The following CDC42BPB variants were observed in gnomAD, a reference collection of about 807,000 sequenced individuals.
The protein encoded by CDC42BPB is CDC42 binding protein kinase beta.
In CDC42BPB, 37 loss-of-function variants were observed where a neutral mutation model predicts 214.9. The observed-to-expected ratio is 0.17, with a 90% CI of 0.13 to 0.23. The LOEUF is 0.23. CDC42BPB is among the 10% of genes least tolerant of loss of function. The pLI is 1.00. For missense variants in CDC42BPB, 1,694 were observed against 2,227.0 expected, an observed-to-expected ratio of 0.76 and a Z score of 4.82; for synonymous variants, 931 against 884.0, an observed-to-expected ratio of 1.05 and a Z score of -0.94.
intron 16 of CDC42BPB, among the ~76,000 whole-genome samples, chr14:102,967,955 C>A (rs1318057555): frequency 6.6e-6 from 1 of 152,056 alleles, no homozygotes; most frequent in Non-Finnish European, 1.5e-5. Flanking sequence ...CTTAGCCAGG[C>A]GTGGTGGCAG....
At chr14:102,990,328 A>G (rs901883010) in intron 5 of CDC42BPB, among the ~76,000 whole-genome samples, 3 of 152,208 alleles carry the variant, frequency 2.0e-5, no homozygotes, top group Non-Finnish European at 2.9e-5. Flanking sequence ...TGCAGTCCCA[A>G]TGAGATGGGG....
intron 13 of CDC42BPB, among the ~76,000 whole-genome samples, chr14:102,971,395 T>C (rs1046246783): frequency 3.9e-5 from 6 of 152,102 alleles, no homozygotes; most frequent in Admixed American, 1.3e-4. Flanking sequence ...CTCTTTGGGG[T>C]TGTAATCATT....
In CDC42BPB at chr14:102,944,447, G is replaced by A. The variant is rs755901790; in HGVS notation, c.3852C>T (p.Ile1284=). 3 of 1,612,816 alleles carry A rather than the reference G, an allele frequency of 1.9e-6. No individual in the cohort carries two copies. Among genetic ancestry groups the A allele is most frequent in the Non-Finnish European group, 2.5e-6 (3 of 1,179,978 alleles). The part of the protein sequence containing the change: ...RAADCKKVHQ[I]ELAPREKIVI... ...CGATCTTCTCCCTGGGAGCAAGCTC[G>A]ATCTGGTGTACCTTCTTACAGTCAG... Residue 1284 remains isoleucine (I), a synonymous_variant, in exon 30 of 37, where the codon ATC becomes ATT. Coordinates refer to ENST00000361246, the MANE Select transcript of CDC42BPB (RefSeq NM_006035.4). The surrounding 1 kb of genome is among the most constrained non-coding windows in gnomAD (Gnocchi z 6.6).
intron 5 of CDC42BPB, among the ~76,000 whole-genome samples, chr14:102,990,274 A>C (rs766095176): frequency 1.7e-4 from 26 of 152,356 alleles, no homozygotes; most frequent in African/African-American, 5.8e-4. Flanking sequence ...AAACAAATCC[A>C]AGTGACTTAT....
chr14:102,964,402 A>G (rs985971941), intron 19 of CDC42BPB, 100 bp downstream of exon 19: 1 of 1,443,966 alleles, frequency 6.9e-7, no homozygotes, highest in Non-Finnish European at 9.4e-7. Flanking sequence ...CGTGGCCCCG[A>G]TTTTCCAGGC....
In CDC42BPB at chr14:102,996,965, C is replaced by G. The variant is rs555075665; in HGVS notation, c.596+2600G>C. 1.8e-3 allele frequency among the ~76,000 whole-genome samples: 277 copies of G among 152,310 alleles called. 2 individuals are homozygous for G. Among genetic ancestry groups the G allele is most frequent in the African/African-American group, 6.4e-3 (267 of 41,570 alleles). ...TTCTATCGGGACAGCTCCCTGTGTG[C>G]TGGGAGGTGCGAGCCATCAGCAATG... On this transcript the variant is annotated intron_variant, in intron 5 of 36. Coordinates refer to ENST00000361246, the MANE Select transcript of CDC42BPB (RefSeq NM_006035.4).
intron 2 of CDC42BPB, 40 bp downstream of exon 2, chr14:103,012,057 G>C (rs1886188596): frequency 7.5e-7 from 1 of 1,331,974 alleles, no homozygotes; most frequent in African/African-American, 1.4e-5. Context: ...CTGATGTTTT[G>C]GCAATTTAGG....
chr14:103,003,348 G>A (rs1037131722), intron 4 of CDC42BPB, among the ~76,000 whole-genome samples: 1 of 152,234 alleles, frequency 6.6e-6, no homozygotes, highest in African/African-American at 2.4e-5. Flanking sequence ...CTGCCTTAGA[G>A]TGCCGTGGAG....
At position 102,988,670 on chromosome 14, in the gene CDC42BPB, C is replaced by T. The variant is rs534083610; in HGVS notation, c.597-2090G>A. Among the ~76,000 whole-genome samples the T allele has an allele frequency of 2.6e-5, 4 of 152,046 alleles. No homozygotes were observed. In the East Asian group the frequency reaches 7.7e-4, roughly 29 times the overall value. ...AATCAAGTACAGGACAAAGATAATA[C>T]GAATCACTGGGGTAAAGATAGACTT... On this transcript the variant is annotated intron_variant, in intron 5 of 36. Coordinates refer to ENST00000361246, the MANE Select transcript of CDC42BPB (RefSeq NM_006035.4).
chr14:102,949,015 T>TG (rs1196110326), intron 26 of CDC42BPB, among the ~76,000 whole-genome samples: 3 of 152,064 alleles, frequency 2.0e-5, no homozygotes. Flanking sequence ...ATGCTACAGA[T>TG]GGAGTACCCA....
intron 21 of CDC42BPB, among the ~76,000 whole-genome samples, chr14:102,958,380 G>T (rs750885116): frequency 7.2e-5 from 11 of 152,162 alleles, no homozygotes; most frequent in Non-Finnish European, 1.2e-4. Flanking sequence ...CCCAGGTGAG[G>T]GACATGTACA....
rs1323587983 is a variant in CDC42BPB at position 102,980,982 on chromosome 14, C to T, written c.931G>A (p.Glu311Lys). The change falls in exon 8 of 37, where the codon GAA becomes AAA. Residue 311 changes from glutamate (E) to lysine (K), a missense_variant. This residue lies in a region of CDC42BPB where 225 missense variants were observed against 459.3 expected (regional missense o/e 0.49). Transcript: ENST00000361246. ...QFPSHVTDVS[E>K]EAKDLIQRLI... ...CTCTGGATGAGGTCCTTCGCTTCTT[C>T]AGATACATCCGTGACATGGGATGGG... The T allele has an allele frequency of 1.6e-5, 26 of 1,614,070 alleles. No individual in the cohort carries two copies. Among genetic ancestry groups the T allele is most frequent in the Non-Finnish European group, 2.0e-5 (24 of 1,180,058 alleles).
intron 23 of CDC42BPB, among the ~76,000 whole-genome samples, chr14:102,953,017 G>A (rs1011521465): frequency 5.9e-5 from 9 of 152,236 alleles, no homozygotes; most frequent in African/African-American, 2.2e-4. Flanking sequence ...AGACACCCAA[G>A]AATCACCGAC....
At chr14:103,007,625 G>A (rs992478848) in intron 3 of CDC42BPB, among the ~76,000 whole-genome samples, 2 of 152,228 alleles carry the variant, frequency 1.3e-5, no homozygotes, top group Admixed American at 6.5e-5. Context: ...TAGAGCCACC[G>A]CAGCGCTGCC....
At position 102,939,850 on chromosome 14, in the gene CDC42BPB, T is replaced by C; in HGVS notation, c.4689A>G (p.Glu1563=). Residue 1563 remains glutamate (E), a synonymous_variant, in exon 33 of 37, where the codon GAA becomes GAG. Coordinates refer to ENST00000361246, the MANE Select transcript of CDC42BPB (RefSeq NM_006035.4). ...KRRFVFKVPE[E]ERLQQRREML... ...CCTACCGCCTCTGCTGCAGTCTCTCTTCCTCTGGGACCTTGAAGACGAACC... is the reference window on the plus strand; with the variant it reads ...CCTACCGCCTCTGCTGCAGTCTCTCCTCCTCTGGGACCTTGAAGACGAACC... The C allele has an allele frequency of 6.2e-7, 1 of 1,614,078 alleles. No individual in the cohort carries two copies. The highest frequency in any genetic ancestry group is 1.7e-5 in the Admixed American group (1 of 60,036).
intron 1 of CDC42BPB, among the ~76,000 whole-genome samples, chr14:103,047,939 A>G (rs1246607708): frequency 1.3e-5 from 2 of 151,420 alleles, no homozygotes; most frequent in Non-Finnish European, 2.9e-5. Context: ...CCTGGTTCAA[A>G]AAATTCACCT....
At chr14:102,981,872 G>A (rs1203381620) in intron 7 of CDC42BPB, among the ~76,000 whole-genome samples, 1 of 152,118 alleles carries the variant, frequency 6.6e-6, no homozygotes, top group Non-Finnish European at 1.5e-5. Context: ...CTGTTGATAT[G>A]TAACATGATG....
intron 35 of CDC42BPB, 62 bp downstream of exon 35, chr14:102,938,244 C>T (rs1424773321): frequency 6.2e-7 from 1 of 1,600,962 alleles, no homozygotes; most frequent in Admixed American, 1.7e-5. Flanking sequence ...GGGGTCTCCC[C>T]ATTCCAGCAC....
At chr14:102,967,643 C>T (rs557619699) in intron 16 of CDC42BPB, among the ~76,000 whole-genome samples, 1 of 152,182 alleles carries the variant, frequency 6.6e-6, no homozygotes, top group African/African-American at 2.4e-5. Context: ...CTGTGCGGGA[C>T]GCTGCCGGCG....
Sources: gnomAD v4.1 joint callset for allele counts (sites outside exome capture counted in the v4.1 genomes callset) on GRCh38, gnomAD v4.1.1 for gene constraint, gnomAD v4.1.1 regional missense constraint, Gnocchi (gnomAD v3.1) non-coding constraint, MANE v1.5 for transcripts, NCBI Gene and HGNC (gene_info 2026-07-23, HGNC 2026-07-21) for gene names.